NPAS3: variants seen among roughly 807,000 people sequenced by gnomAD.
NPAS3 encodes the protein neuronal PAS domain-containing protein 3.
NPAS3 carries 14 observed loss-of-function variants against 73.1 expected under a neutral mutation model. The ratio of observed to expected loss-of-function variants is 0.19; its 90% confidence interval spans 0.13 to 0.30. The LOEUF is 0.30. NPAS3 is among the 10% of genes least tolerant of loss of function. The pLI is 1.00. For missense variants in NPAS3, 1,096 were observed against 1,250.0 expected, an observed-to-expected ratio of 0.88 and a Z score of 1.86; for synonymous variants, 620 against 541.5, an observed-to-expected ratio of 1.14 and a Z score of -2.01.
At chr14:33,652,125 T>A (rs964085453) in intron 5 of NPAS3, among the ~76,000 whole-genome samples, 4 of 152,150 alleles carry the variant, frequency 2.6e-5, no homozygotes, top group African/African-American at 9.7e-5. Context: ...CAAGGAAAAT[T>A]TATGTGTAAG....
chr14:32,982,052 A>G (rs1200832149), intron 1 of NPAS3, among the ~76,000 whole-genome samples: 1 of 152,208 alleles, frequency 6.6e-6, no homozygotes, highest in Non-Finnish European at 1.5e-5. Flanking sequence ...ATGTTGCTAT[A>G]GCAGAATACC....
chr14:33,400,931 CT>C (rs10709040), intron 4 of NPAS3, among the ~76,000 whole-genome samples: 128,923 of 150,668 alleles, frequency 0.86, 55,204 homozygotes, highest in Admixed American at 0.9. Context: ...TACTTTTTGT[CT>C]TTTTTTTTTT....
chr14:33,246,537 CAAAA>C (rs56270689), intron 3 of NPAS3, among the ~76,000 whole-genome samples: 1,102 of 103,198 alleles, frequency 0.011, 20 homozygotes, highest in African/African-American at 0.038. Flanking sequence ...GACTTCATCT[CAAAA>C]AAAAAAAAAA....
At chr14:33,430,540 C>T (rs1411287019) in intron 4 of NPAS3, among the ~76,000 whole-genome samples, 1 of 152,104 alleles carries the variant, frequency 6.6e-6, no homozygotes, top group African/African-American at 2.4e-5. Flanking sequence ...ACTACACTCC[C>T]ACTCCCGGGG....
chr14:33,400,774 T>C (rs1208510945), intron 4 of NPAS3, among the ~76,000 whole-genome samples: 1 of 151,862 alleles, frequency 6.6e-6, no homozygotes, highest in East Asian at 1.9e-4. Flanking sequence ...TAGGGGGGCG[T>C]GGTGGCAGTG....
chr14:33,386,091 T>G (rs1452957500), intron 4 of NPAS3, among the ~76,000 whole-genome samples: 1 of 151,668 alleles, frequency 6.6e-6, no homozygotes, highest in African/African-American at 2.4e-5. Flanking sequence ...TTTTGACCAA[T>G]GTAGTAGTGC....
chr14:33,577,196 A>G (rs1595192133), intron 5 of NPAS3, among the ~76,000 whole-genome samples: 1 of 152,272 alleles, frequency 6.6e-6, no homozygotes, highest in African/African-American at 2.4e-5. Flanking sequence ...AAGTGAAGCA[A>G]TTCCTCGAGG....
intron 2 of NPAS3, among the ~76,000 whole-genome samples, chr14:33,088,301 T>C (rs2042104096): frequency 6.7e-6 from 1 of 149,546 alleles, no homozygotes; most frequent in South Asian, 2.1e-4. Flanking sequence ...AGGGAAGCTG[T>C]GACAGATGGC....
chr14:33,125,966 A>G (rs1340723266), intron 2 of NPAS3, among the ~76,000 whole-genome samples: 1 of 152,182 alleles, frequency 6.6e-6, no homozygotes, highest in East Asian at 1.9e-4. Flanking sequence ...TTGAACACAA[A>G]TGGCAGTTGA....
At chr14:33,473,311 C>A (rs1309260470) in intron 4 of NPAS3, among the ~76,000 whole-genome samples, 1 of 152,088 alleles carries the variant, frequency 6.6e-6, no homozygotes, top group Non-Finnish European at 1.5e-5. Flanking sequence ...GTCAGCAGAC[C>A]CAGTACTGCC....
chr14:33,067,553 T>C (rs776780565), intron 2 of NPAS3, among the ~76,000 whole-genome samples: 15 of 152,244 alleles, frequency 9.9e-5, no homozygotes, highest in Non-Finnish European at 2.2e-4. Context: ...TCTCCACATG[T>C]AATGACCAAC....
intron 5 of NPAS3, among the ~76,000 whole-genome samples, chr14:33,626,910 A>G (rs2058237233): frequency 6.6e-6 from 1 of 152,140 alleles, no homozygotes; most frequent in Non-Finnish European, 1.5e-5. Flanking sequence ...AAATATTAGT[A>G]TGTTTGTTAA....
intron 7 of NPAS3, among the ~76,000 whole-genome samples, chr14:33,761,013 G>A (rs2062268815): frequency 1.3e-5 from 2 of 152,312 alleles, no homozygotes; most frequent in South Asian, 4.1e-4. Context: ...ATCACTGGCT[G>A]TGTGGAGAAT....
At chr14:33,744,540 C>T (rs945358754) in intron 7 of NPAS3, among the ~76,000 whole-genome samples, 2 of 152,098 alleles carry the variant, frequency 1.3e-5, no homozygotes, top group African/African-American at 4.8e-5. Context: ...GTAATCCCGG[C>T]ATTCTGGGAG....
At chr14:33,028,408 G>A (rs144865154) in intron 1 of NPAS3, among the ~76,000 whole-genome samples, 1,846 of 152,230 alleles carry the variant, frequency 0.012, 22 homozygotes, top group Non-Finnish European at 0.019. Context: ...GGAAAAGCTT[G>A]AACAATAGTG....
intron 1 of NPAS3, among the ~76,000 whole-genome samples, chr14:32,969,583 T>G (rs2037336216): frequency 6.6e-6 from 1 of 152,128 alleles, no homozygotes; most frequent in African/African-American, 2.4e-5. Context: ...TAGATTGAGT[T>G]TGTAGGTTTA....
At chr14:33,795,365 C>T (rs763133021) in intron 10 of NPAS3, among the ~76,000 whole-genome samples, 5 of 152,230 alleles carry the variant, frequency 3.3e-5, no homozygotes, top group Admixed American at 2.6e-4. Context: ...AAGTCTCCCC[C>T]GTGTTTGTGA....
intron 4 of NPAS3, among the ~76,000 whole-genome samples, chr14:33,424,629 G>A (rs1379876907): frequency 2.0e-5 from 3 of 151,836 alleles, no homozygotes; most frequent in African/African-American, 7.3e-5. Flanking sequence ...AAGGTATAAA[G>A]GATAAGAAGG....
intron 11 of NPAS3, among the ~76,000 whole-genome samples, chr14:33,798,919 T>C (rs1290549299): frequency 6.7e-6 from 1 of 150,064 alleles, no homozygotes; most frequent in Non-Finnish European, 1.5e-5. Context: ...GGTGGGCGCA[T>C]TGCTTGAGTC....
Sources: gnomAD v4.1 joint callset for allele counts (sites outside exome capture counted in the v4.1 genomes callset) on GRCh38, gnomAD v4.1.1 for gene constraint, MANE v1.5 for transcripts, NCBI Gene and HGNC (gene_info 2026-07-23, HGNC 2026-07-21) for gene names.